The following MAN2B1 variants were observed in gnomAD, a reference collection of about 807,000 sequenced individuals.
MAN2B1 encodes lysosomal alpha-mannosidase.
A neutral mutation model predicts 127.5 loss-of-function variants in MAN2B1; 99 were observed. The observed-to-expected ratio is 0.78, with a 90% CI of 0.66 to 0.92. The LOEUF (loss-of-function observed/expected upper bound fraction) is 0.92. Ranked by LOEUF, MAN2B1 falls within the 40% of genes least tolerant of loss-of-function variation. The probability of loss-of-function intolerance (pLI) is 0.00; values close to 1 mark genes in which losing one functional copy is unlikely to be tolerated. For missense variants in MAN2B1, 1,304 were observed against 1,384.8 expected (o/e 0.94, Z 0.93); for synonymous variants, 573 against 568.8 (o/e 1.01, Z -0.11).
intron 4 of MAN2B1, 91 bp downstream of exon 4, chr19:12,664,701 T>A (rs2024184163): frequency 7.6e-7 from 1 of 1,320,074 alleles, no homozygotes; most frequent in Non-Finnish European, 1.1e-6. Context: ...CTGGTCCTTG[T>A]GAGATTGCAG....
chr19:12,649,818 T>C, intron 18 of MAN2B1, 95 bp downstream of exon 18: 1 of 1,070,982 alleles, frequency 9.3e-7, no homozygotes, highest in Non-Finnish European at 1.4e-6. Context: ...TCGTCCTCTG[T>C]CTCCCACACT....
chr19:12,655,839 G>A lies in MAN2B1; in HGVS notation c.1685C>T (p.Pro562Leu), dbSNP rs368245289. Residue 562 changes from proline to leucine, a missense_variant, in exon 14 of 24, where the codon CCG (proline) becomes CTG (leucine). By Grantham distance (98) the Pro-to-Leu change is moderately conservative. Coordinates refer to ENST00000456935, the MANE Select transcript of MAN2B1 (RefSeq NM_000528.4). ...CAGTGAGGCTGAGAACAGCAGCTCC[G>A]GAGGGTGCGCCTGGCTGTCTGAGCT... ...FPSSDSQAHP[P>L]ELLFSASLPA... 7.4e-6 allele frequency: 12 copies of A among 1,613,812 alleles called. No homozygotes were observed. The highest frequency in any genetic ancestry group is 1.6e-4 in the Middle Eastern group (1 of 6,068).
intron 7 of MAN2B1, among the ~76,000 whole-genome samples, chr19:12,659,387 C>T (rs1346296552): frequency 1.3e-5 from 2 of 151,612 alleles, no homozygotes; most frequent in African/African-American, 2.4e-5. Flanking sequence ...CTGCAAACTC[C>T]GCCTCCCAGG....
At chr19:12,649,058 G>T in intron 20 of MAN2B1, 78 bp downstream of exon 20, 1 of 1,229,114 alleles carries the variant, frequency 8.1e-7, no homozygotes, top group Non-Finnish European at 1.2e-6. Context: ...AGAGAACTGG[G>T]CCAGAAACAG....
Position 12,658,118 on chromosome 19 carries a change from C to T in MAN2B1, c.1254G>A (p.Leu418=). ...GTCCCACGTTGGCCGCCAGGCCCAC[C>T]AGCGCCTCCAGCTGGTTGCACACCT... is the stretch of plus-strand genomic sequence containing the variant. ...FLQVCNQLEA[L]VGLAANVGPY... The change falls in exon 10 of 24, where the codon CTG becomes CTA. Residue 418 remains leucine (L), a synonymous_variant. Coordinates refer to ENST00000456935, the MANE Select transcript of MAN2B1 (RefSeq NM_000528.4). 1 of 1,613,548 alleles carries T rather than the reference C, an allele frequency of 6.2e-7. No individual in the cohort carries two copies. Among genetic ancestry groups the T allele is most frequent in the Non-Finnish European group, 8.5e-7 (1 of 1,179,994 alleles).
In MAN2B1 at chr19:12,649,308, G is replaced by A. The variant is rs374660827; in HGVS notation, c.2355+33C>T. 1.6e-5 allele frequency: 26 copies of A among 1,601,700 alleles called. 1 individual carries two copies. The highest frequency in any genetic ancestry group is 4.0e-5 in the African/African-American group (3 of 74,516). ...GATAAGGGGTGATTCCCTTTCTATC[G>A]AGGTGGGGAGGTGCAGGATGGGGGA... On this transcript the variant is annotated intron_variant, in intron 19 of 23. Transcript: ENST00000456935.
intron 13 of MAN2B1, 25 bp from the exon 14 acceptor site, chr19:12,655,904 G>A (rs1440186856): frequency 9.4e-6 from 15 of 1,601,572 alleles, no homozygotes; most frequent in Non-Finnish European, 1.3e-5. Flanking sequence ...GAGGGAAACT[G>A]AGTCAAGAGT....
In MAN2B1 at chr19:12,661,365, G is replaced by A. The variant is rs35087690; in HGVS notation, c.921C>T (p.Tyr307=). 1.7e-5 allele frequency: 27 copies of A among 1,611,334 alleles called. No individual in the cohort carries two copies. The highest frequency in any genetic ancestry group is 1.5e-4 in the Admixed American group (9 of 59,994). Residue 307 remains tyrosine (Y), a synonymous_variant, in exon 7 of 24, where the codon TAC becomes TAT. Transcript: ENST00000456935. ...LNVATAQGRY[Y]RTNHTVMTMG... ...TGGTCATCACAGTGTGGTTGGTGCG[G>A]TAATACCGGCCCTGCAGGCAAGAGG...
intron 16 of MAN2B1, 106 bp downstream of exon 16, chr19:12,652,047 A>G: frequency 1.1e-6 from 1 of 873,652 alleles, no homozygotes; most frequent in Non-Finnish European, 2.0e-6. Flanking sequence ...GATCTGAAGG[A>G]AAAGTAAATC....
intron 12 of MAN2B1, 84 bp downstream of exon 12, chr19:12,656,865 C>T: frequency 8.4e-7 from 1 of 1,192,280 alleles, no homozygotes; most frequent in South Asian, 1.2e-5. Flanking sequence ...TAATTTCACT[C>T]CTGTATAGTC....
intron 7 of MAN2B1, 125 bp downstream of exon 7, chr19:12,661,135 G>T: frequency 1.3e-6 from 1 of 763,392 alleles, no homozygotes. Flanking sequence ...GTGGTCATTT[G>T]TTATAGAATG....
At chr19:12,662,215 A>G (rs992778369) in intron 6 of MAN2B1, among the ~76,000 whole-genome samples, 2 of 152,182 alleles carry the variant, frequency 1.3e-5, no homozygotes, top group Middle Eastern at 3.4e-3. Context: ...GGTGGCTCAC[A>G]CCTATATCCT....
chr19:12,661,919 A>G (rs982449843), intron 6 of MAN2B1, among the ~76,000 whole-genome samples: 2 of 151,804 alleles, frequency 1.3e-5, no homozygotes, highest in African/African-American at 4.8e-5. Flanking sequence ...ATCTCGGCTC[A>G]CTGCAACCTC....
intron 18 of MAN2B1, 82 bp downstream of exon 18, chr19:12,649,831 T>G: frequency 2.5e-6 from 3 of 1,183,748 alleles, no homozygotes; most frequent in Non-Finnish European, 3.8e-6. Context: ...CCCACACTCA[T>G]GTAATCAGCA....
chr19:12,657,441 C>A lies in MAN2B1; in HGVS notation c.1419+5G>T, dbSNP rs540367946. ...CCCGTGTCTCCCAAGTCTCGCCCCG[C>A]GCACCTCGCAAGGCCCCCAGCCTGC... On this transcript the variant is annotated splice_donor_5th_base_variant and intron_variant, in intron 11 of 23. Coordinates refer to ENST00000456935, the MANE Select transcript of MAN2B1 (RefSeq NM_000528.4). 1.4e-4 allele frequency: 212 copies of A among 1,548,578 alleles called. No individual in the cohort carries two copies. The highest frequency in any genetic ancestry group is 1.7e-4 in the Non-Finnish European group (195 of 1,146,732).
chr19:12,665,521 C>G lies in MAN2B1; in HGVS notation c.267G>C (p.Lys89Asn), dbSNP rs375673126. The change falls in exon 3 of 24, where the codon AAG becomes AAC. Residue 89 changes from lysine to asparagine, a missense_variant. Physicochemically the swap from Lys to Asn is moderately conservative, Grantham distance 94 (BLOSUM62 0). Transcript: ENST00000456935. ...GCACACCGGCGTGCTGGATGTCATT[C>G]TTGACTGTGGATAACAGGGATAAGG... ...KTVDQYFYGIKNDIQHAGVQY... is the reference protein window; with the variant it reads ...KTVDQYFYGINNDIQHAGVQY... 8 of 1,614,160 alleles carry G rather than the reference C, an allele frequency of 5.0e-6. No homozygotes were observed. In the African/African-American group the frequency reaches 1.1e-4, roughly 22 times the overall value.
rs1361088340 is a variant in MAN2B1 at position 12,658,461 on chromosome 19, T to C, written c.1076A>G (p.Tyr359Cys). 6.2e-7 allele frequency: 1 copy of C among 1,613,956 alleles called. No individual in the cohort carries two copies. The highest frequency in any genetic ancestry group is 1.3e-5 in the African/African-American group (1 of 74,896). Residue 359 changes from tyrosine to cysteine, a missense_variant, in exon 8 of 24, where the codon TAC (tyrosine) becomes TGC (cysteine). By Grantham distance (194) the Tyr-to-Cys change is radical. Coordinates refer to ENST00000456935, the MANE Select transcript of MAN2B1 (RefSeq NM_000528.4). Reference protein sequence around the residue: ...VHVLYSTPACYLWELNKANLT... With the variant: ...VHVLYSTPACCLWELNKANLT... ...GTTGGCCTTGTTCAGCTCCCAGAGG[T>C]AACAAGCGGGGGTGGAGTAGAGAAC...
At chr19:12,652,559 T>G in intron 14 of MAN2B1, 99 bp from the exon 15 acceptor site, 2 of 804,748 alleles carry the variant, frequency 2.5e-6, no homozygotes, top group Non-Finnish European at 4.1e-6. Flanking sequence ...TGAGACTGAG[T>G]CTCACTCTGT....
chr19:12,666,576 C>G lies in MAN2B1; in HGVS notation c.126G>C (p.Leu42=), dbSNP rs900625808. 9.4e-6 allele frequency: 15 copies of G among 1,587,644 alleles called. No individual in the cohort carries two copies. The African/African-American group carries it at 2.0e-4, about 21-fold the overall frequency. The change falls in exon 1 of 24, where the codon CTG becomes CTC. Residue 42 remains leucine (L), a synonymous_variant. Coordinates refer to ENST00000456935, the MANE Select transcript of MAN2B1 (RefSeq NM_000528.4). ...LPPLCFFLLL[L]AAAGARAGGY... is the part of the protein sequence containing the mutation. Reference sequence around the variant, plus strand: ...CCCCGGCCCGAGCACCGGCAGCCGCCAGCAACAAAAGGAAAAAGCAGAGAG... The same window carrying G: ...CCCCGGCCCGAGCACCGGCAGCCGCGAGCAACAAAAGGAAAAAGCAGAGAG...
Sources: allele counts gnomAD v4.1 joint callset (sites outside exome capture counted in the v4.1 genomes callset), GRCh38; gene constraint gnomAD v4.1.1; transcripts MANE v1.5; gene names NCBI Gene and HGNC (gene_info 2026-07-23, HGNC 2026-07-21).